ARSL: variants seen among roughly 807,000 people sequenced by gnomAD.
The protein encoded by ARSL is arylsulfatase E (chondrodysplasia punctata 1).
Under a neutral mutation model 31.1 loss-of-function variants are expected in ARSL, and 4 were observed. The observed-to-expected ratio is 0.13, with a 90% CI of 0.06 to 0.29. The LOEUF is 0.29. ARSL is among the 10% of genes least tolerant of loss of function. The pLI is 1.00. For synonymous variants in ARSL, 198 were observed against 209.9 expected (o/e 0.94, Z 0.49); for missense variants, 312 against 497.8 (o/e 0.63, Z 3.55).
intron 9 of ARSL, 63 bp from the exon 10 acceptor site, chrX:2,936,926 A>G (rs1204839170): frequency 2.5e-6 from 3 of 1,187,278 alleles, no homozygotes; most frequent in Non-Finnish European, 3.4e-6. Flanking sequence ...TTGTCCCTCC[A>G]GCATCCACCA....
upstream of ARSL, among the ~76,000 whole-genome samples, chrX:2,967,034 G>A (rs781198187): frequency 9.0e-6 from 1 of 111,012 alleles, no homozygotes; most frequent in South Asian, 3.7e-4. Flanking sequence ...ATGTTTATGT[G>A]TGTATGTATA....
chrX:2,957,298 C>A (rs1249409521), intron 3 of ARSL, among the ~76,000 whole-genome samples: 2 of 109,785 alleles, frequency 1.8e-5, no homozygotes, highest in South Asian at 3.9e-4. Context: ...GAACTCCTGG[C>A]CTTAAGTGAT....
At chrX:2,945,592 C>T (rs1037998608) in intron 7 of ARSL, among the ~76,000 whole-genome samples, 3 of 111,261 alleles carry the variant, frequency 2.7e-5, no homozygotes, top group Admixed American at 9.6e-5. Context: ...CTGTCTAGCA[C>T]ATGGGGATTA....
At chrX:2,963,469 T>A (rs757963946) in intron 1 of ARSL, among the ~76,000 whole-genome samples, 14 of 108,597 alleles carry the variant, frequency 1.3e-4, no homozygotes, top group Non-Finnish European at 2.1e-4. Context: ...TGCCCAGCAG[T>A]GGTTTATCTC....
chrX:2,943,144 A>G lies in ARSL; in HGVS notation c.1047T>C (p.Tyr349=). 1.7e-6 allele frequency: 2 copies of G among 1,211,383 alleles called. No homozygotes were observed. Among genetic ancestry groups the G allele is most frequent in the Non-Finnish European group, 2.2e-6 (2 of 895,428 alleles). ...GGGAACCGCCGTGATCCGACGTAAA[A>G]TAAATGAGGGTGCTGTTGCTCAAAC... ...VEGLSNSTLI[Y]FTSDHGGSLE... Residue 349 remains tyrosine, a synonymous_variant, in exon 8 of 11, where the codon TAT becomes TAC. Coordinates refer to ENST00000381134, the MANE Select transcript of ARSL (RefSeq NM_000047.3).
At chrX:2,943,543 A>C (rs2089311729) in intron 7 of ARSL, among the ~76,000 whole-genome samples, 2 of 108,760 alleles carry the variant, frequency 1.8e-5, no homozygotes, top group African/African-American at 6.7e-5. Context: ...GGAGTTGTAG[A>C]CCAGCCTGGC....
chrX:2,955,669 A>C, intron 3 of ARSL, 132 bp from the exon 4 acceptor site: 1 of 756,792 alleles, frequency 1.3e-6, no homozygotes, highest in South Asian at 2.4e-5. Context: ...GGAATGACCC[A>C]AAGGTAATGT....
rs141921110 is a variant in ARSL, at chrX:2,939,324, G to A, written c.1127-1067C>T. ...GAGGCAGGGAGGAGCCTCCCCTAGA[G>A]CTTCTGGCGGGAACATTTCCCTGAG... On this transcript the variant is annotated intron_variant, in intron 8 of 10. Transcript: ENST00000381134. Among the ~76,000 whole-genome samples the A allele has an allele frequency of 4.9e-3, 549 of 112,254 alleles. 9 individuals are homozygous for A. The highest frequency in any genetic ancestry group is 0.035 in the Admixed American group (374 of 10,579).
At chrX:2,946,721 G>A (rs1339987414) in intron 6 of ARSL, among the ~76,000 whole-genome samples, 1 of 108,542 alleles carries the variant, frequency 9.2e-6, no homozygotes, top group Non-Finnish European at 1.9e-5. Flanking sequence ...CCAGGCGGGG[G>A]TGCAGTGGCA....
At chrX:2,936,703 C>A (rs1388697821) in intron 10 of ARSL, 39 bp downstream of exon 10, 2 of 1,208,323 alleles carry the variant, frequency 1.7e-6, no homozygotes. Context: ...CAGAGGGACT[C>A]TTTCCCTAAG....
At chrX:2,954,453 G>A (rs764177433) in intron 4 of ARSL, among the ~76,000 whole-genome samples, 40 of 110,798 alleles carry the variant, frequency 3.6e-4, no homozygotes, top group African/African-American at 1.2e-3. Flanking sequence ...TCATCATCAC[G>A]CCCAGCTAAT....
At chrX:2,958,047 A>T (rs2089550925) in intron 3 of ARSL, among the ~76,000 whole-genome samples, 1 of 111,820 alleles carries the variant, frequency 8.9e-6, no homozygotes, top group Non-Finnish European at 1.9e-5. Context: ...ATAAAAATAA[A>T]TAAATAAAAA....
intron 2 of ARSL, chrX:2,959,751 G>A: frequency 8.9e-6 from 10 of 1,126,475 alleles, no homozygotes; most frequent in Non-Finnish European, 1.2e-5. Context: ...TTCTGAGAAA[G>A]CACCATCAAG....
chrX:2,966,876 G>A (rs1176200195), upstream of ARSL, among the ~76,000 whole-genome samples: 1 of 109,252 alleles, frequency 9.2e-6, no homozygotes, highest in Non-Finnish European at 1.9e-5. Context: ...ACATGTTTAT[G>A]TGTTCATATA....
intron 8 of ARSL, 140 bp downstream of exon 8, chrX:2,942,925 A>C (rs1488048929): frequency 4.5e-6 from 4 of 887,426 alleles, no homozygotes; most frequent in Non-Finnish European, 6.5e-6. Flanking sequence ...AGTATGTCAA[A>C]TTACCACTTT....
intron 4 of ARSL, among the ~76,000 whole-genome samples, chrX:2,954,125 C>A (rs1275465597): frequency 2.7e-5 from 3 of 111,010 alleles, no homozygotes; most frequent in African/African-American, 9.8e-5. Context: ...TATTCTGACG[C>A]CTGGTTATCA....
chrX:2,953,038 T>C (rs1312844227), intron 5 of ARSL, 105 bp downstream of exon 5: 4 of 1,007,836 alleles, frequency 4.0e-6, no homozygotes, highest in Non-Finnish European at 5.5e-6. Context: ...TTCTGTCTAG[T>C]GGGAAATCCC....
At position 2,942,991 on chromosome X, in the gene ARSL, T is replaced by C. The variant is rs889419881; in HGVS notation, c.1126+74A>G. ...AGCAATAATATTGACCCTCCTGGAA[T>C]AGATTGCCCTGCTGGGAATTGCAGG... On this transcript the variant is annotated intron_variant, in intron 8 of 10. Transcript: ENST00000381134. 10 of 1,163,651 alleles carry C rather than the reference T, an allele frequency of 8.6e-6. No homozygotes were observed. The African/African-American group carries it at 1.6e-4, about 19-fold the overall frequency.
chrX:2,962,775 G>A (rs758487039), intron 1 of ARSL, among the ~76,000 whole-genome samples: 1 of 111,684 alleles, frequency 9.0e-6, no homozygotes, highest in Admixed American at 9.5e-5. Context: ...AAAGTCAAGC[G>A]GGGAACTGCT....
Sources: allele counts gnomAD v4.1 joint callset (sites outside exome capture counted in the v4.1 genomes callset), GRCh38; gene constraint gnomAD v4.1.1; transcripts MANE v1.5; gene names NCBI Gene and HGNC (gene_info 2026-07-23, HGNC 2026-07-21).